KCNK6: variants seen among roughly 807,000 people sequenced by gnomAD.
The protein encoded by KCNK6 is potassium channel subfamily K member 6.
KCNK6 carries 20 observed loss-of-function variants against 21.9 expected under a neutral mutation model. That is an observed-to-expected ratio of 0.91 (90% CI 0.64 to 1.32). The LOEUF is 1.32. KCNK6 is among the 40% of genes most tolerant of loss of function. The pLI is 0.00. For synonymous variants in KCNK6, 210 were observed against 218.0 expected (o/e 0.96, Z 0.32); for missense variants, 415 against 433.1 (o/e 0.96, Z 0.37).
chr19:38,319,976 G>A lies in KCNK6; in HGVS notation c.26G>A (p.Gly9Asp), dbSNP rs1051769230. 6.8e-7 allele frequency: 1 copy of A among 1,465,478 alleles called. No homozygotes were observed. Among genetic ancestry groups the A allele is most frequent in the Admixed American group, 2.6e-5 (1 of 38,788 alleles). 90.8% of individuals were successfully genotyped at this position (1,465,478 alleles called of 1,614,324 possible). A position where few individuals can be genotyped will look rare whatever the true frequency, so the allele number is the denominator to read the frequency against. ...ATGCGGAGGGGCGCGCTTCTGGCGG[G>A]CGCCTTGGCCGCGTACGCCGCGTAC... MRRGALLA[G>D]ALAAYAAYLV... Residue 9 changes from glycine (G) to aspartate (D), a missense_variant, in exon 1 of 3, where the codon GGC (glycine) becomes GAC (aspartate). By Grantham distance (94) the Gly-to-Asp change is moderately conservative. Coordinates refer to ENST00000263372, the MANE Select transcript of KCNK6 (RefSeq NM_004823.3).
At chr19:38,325,302 A>G in intron 1 of KCNK6, 1 of 630,286 alleles carries the variant, frequency 1.6e-6, no homozygotes, top group Non-Finnish European at 2.0e-6. Context: ...TTTTTAGTAG[A>G]GACGGGGTTT....
At chr19:38,325,390 C>G (rs565827151) in intron 1 of KCNK6, 1 of 985,456 alleles carries the variant, frequency 1.0e-6, no homozygotes, top group East Asian at 1.1e-4. Flanking sequence ...GCTGGGATTA[C>G]AGACCTGAGC....
chr19:38,324,889 G>T (rs1317401817), intron 1 of KCNK6, among the ~76,000 whole-genome samples: 1 of 152,106 alleles, frequency 6.6e-6, no homozygotes, highest in Non-Finnish European at 1.5e-5. Context: ...ACCATGCCTG[G>T]CTGGGATCAT....
intron 1 of KCNK6, among the ~76,000 whole-genome samples, chr19:38,323,450 C>A (rs954399399): frequency 5.9e-5 from 9 of 152,154 alleles, no homozygotes; most frequent in Non-Finnish European, 1.3e-4. Flanking sequence ...AGCCTTGCTG[C>A]ACTTGAGGCA....
rs34730395 is a variant in KCNK6, at chr19:38,326,774, G to A, written c.504G>A (p.Ala168=). Reference sequence around the variant, plus strand: ...GTTGGGGCTGGGACCCCCGGCGGGCGGCCTGCTGGCACTTGGTGGCCCTGT... The same window carrying A: ...GTTGGGGCTGGGACCCCCGGCGGGCAGCCTGCTGGCACTTGGTGGCCCTGT... ...SMRWGWDPRR[A]ACWHLVALLG... Residue 168 remains alanine, a synonymous_variant, in exon 2 of 3, where the codon GCG becomes GCA. Coordinates refer to ENST00000263372, the MANE Select transcript of KCNK6 (RefSeq NM_004823.3). The A allele has an allele frequency of 2.7e-3, 4,371 of 1,604,732 alleles. 91 individuals are homozygous for A. The African/African-American group carries it at 0.049, about 18-fold the overall frequency.
In KCNK6 at chr19:38,327,161, C is replaced by T; in HGVS notation, c.719-19C>T. Reference sequence around the variant, plus strand: ...ATCTGAGCCCCAGGATGACCAACGCCCCTTCTCCGCCTTTACAGTCTACCT... The same window carrying T: ...ATCTGAGCCCCAGGATGACCAACGCTCCTTCTCCGCCTTTACAGTCTACCT... On this transcript the variant is annotated intron_variant, in intron 2 of 2. Transcript: ENST00000263372. 1.2e-6 allele frequency: 2 copies of T among 1,608,578 alleles called. No homozygotes were observed. The highest frequency in any genetic ancestry group is 1.7e-6 in the Non-Finnish European group (2 of 1,179,466).
At chr19:38,321,669 C>T (rs1969653139) in intron 1 of KCNK6, among the ~76,000 whole-genome samples, 1 of 152,356 alleles carries the variant, frequency 6.6e-6, no homozygotes, top group Admixed American at 6.5e-5. Context: ...ACTCCTAACT[C>T]GCCCTCCCGG....
chr19:38,327,704 G>T lies in KCNK6; in HGVS notation c.*301G>T. On this transcript the variant is annotated 3_prime_UTR_variant, in exon 3 of 3. Transcript: ENST00000263372. ...CTCGCTGCCTCTGTCTTTCCCTCTT[G>T]CTGTCTCTGTTTCTCATTCTCTTTC... The T allele has an allele frequency of 2.3e-6, 1 of 439,716 alleles. No homozygotes were observed. The highest frequency in any genetic ancestry group is 4.2e-6 in the Non-Finnish European group (1 of 239,590). The allele number at this position is 439,716 out of a possible 1,614,324, so 27.2% of individuals were successfully genotyped here. A position where few individuals can be genotyped will look rare whatever the true frequency, so the allele number is the denominator to read the frequency against.
intron 1 of KCNK6, among the ~76,000 whole-genome samples, chr19:38,320,549 T>C (rs1195007543): frequency 1.3e-5 from 2 of 151,596 alleles, no homozygotes; most frequent in South Asian, 2.1e-4. Context: ...CCTCGGTCTT[T>C]TTTTTTTTTC....
At chr19:38,322,000 T>C (rs1969657344) in intron 1 of KCNK6, among the ~76,000 whole-genome samples, 1 of 152,244 alleles carries the variant, frequency 6.6e-6, no homozygotes, top group South Asian at 2.1e-4. Context: ...CATTTCCCTG[T>C]AATAGCAGTA....
At chr19:38,321,763 GC>G (rs1032705115) in intron 1 of KCNK6, among the ~76,000 whole-genome samples, 1 of 152,242 alleles carries the variant, frequency 6.6e-6, no homozygotes, top group African/African-American at 2.4e-5. Context: ...CCCTGGGTCT[GC>G]CCATGCTGCC....
At position 38,320,179 on chromosome 19, in the gene KCNK6, C is replaced by G; in HGVS notation, c.229C>G (p.Leu77Val). ...GGCCGGACGGCTGGGGCGGGTCGTG[C>G]TTGCTAACGCTTCGGGGTCCGCCAA... ...LAAGRLGRVV[L>V]ANASGSANAS... is the part of the protein sequence containing the mutation. The change falls in exon 1 of 3, where the codon CTT becomes GTT. Residue 77 changes from leucine (L) to valine (V), a missense_variant. Leu to Val is a conservative substitution (Grantham distance 32). Transcript: ENST00000263372. The G allele has an allele frequency of 6.3e-7, 1 of 1,599,920 alleles. No homozygotes were observed. The highest frequency in any genetic ancestry group is 1.1e-5 in the South Asian group (1 of 90,988).
At chr19:38,324,750 T>TA (rs1238741313) in intron 1 of KCNK6, among the ~76,000 whole-genome samples, 1 of 152,066 alleles carries the variant, frequency 6.6e-6, no homozygotes, top group Admixed American at 6.6e-5. Context: ...TTAAAATTAT[T>TA]ATTATTGTTA....
Position 38,331,330 on chromosome 19 carries a change from A to T in KCNK6, c.*3927A>T, listed in dbSNP as rs1338398861. 2 of 152,008 alleles carry T rather than the reference A, an allele frequency of 1.3e-5. No homozygotes were observed. Among genetic ancestry groups the T allele is most frequent in the Admixed American group, 6.6e-5 (1 of 15,214 alleles). The allele number at this position is 152,008 out of a possible 1,614,324, so 9.4% of individuals were successfully genotyped here. ...GGGCCATAGAGCAAGACCCTGTCCTAGGAGAAAAAAAAGGGCCAGGCACAG... is the reference window on the plus strand; with the variant it reads ...GGGCCATAGAGCAAGACCCTGTCCTTGGAGAAAAAAAAGGGCCAGGCACAG... On this transcript the variant is annotated 3_prime_UTR_variant, in exon 3 of 3. Coordinates refer to ENST00000263372, the MANE Select transcript of KCNK6 (RefSeq NM_004823.3).
chr19:38,320,297 C>A, intron 1 of KCNK6, 25 bp downstream of exon 1: 1 of 1,602,974 alleles, frequency 6.2e-7, no homozygotes. Context: ...CACCGCAAGG[C>A]GGCGAGGACC....
chr19:38,320,546 C>CTTTTTTTTTTTTT (rs35248793), intron 1 of KCNK6, among the ~76,000 whole-genome samples: 1 of 145,740 alleles, frequency 6.9e-6, no homozygotes, highest in Non-Finnish European at 1.5e-5. Context: ...GTTCCTCGGT[C>CTTTTTTTTTTTTT]TTTTTTTTTT....
intron 1 of KCNK6, among the ~76,000 whole-genome samples, chr19:38,322,382 T>A (rs1195110305): frequency 1.3e-5 from 2 of 151,784 alleles, no homozygotes; most frequent in African/African-American, 4.8e-5. Flanking sequence ...ACAGCTGGAG[T>A]TTTATGGCTA....
intron 1 of KCNK6, among the ~76,000 whole-genome samples, chr19:38,322,963 A>G (rs1969668438): frequency 6.6e-6 from 1 of 151,540 alleles, no homozygotes; most frequent in African/African-American, 2.4e-5. Context: ...AAATACAAAA[A>G]TTAGCCAGGC....
In KCNK6 at chr19:38,330,764, T is replaced by G. The variant is rs1969762269; in HGVS notation, c.*3361T>G. Reference sequence around the variant, plus strand: ...ATGGGGGAAGGAGGTCCAGAGATGTTAAATACTTGCCCAAGGTCACACAGA... The same window carrying G: ...ATGGGGGAAGGAGGTCCAGAGATGTGAAATACTTGCCCAAGGTCACACAGA... On this transcript the variant is annotated 3_prime_UTR_variant, in exon 3 of 3. Coordinates refer to ENST00000263372, the MANE Select transcript of KCNK6 (RefSeq NM_004823.3). 3 of 152,282 alleles carry G rather than the reference T, an allele frequency of 2.0e-5. No homozygotes were observed. Among genetic ancestry groups the G allele is most frequent in the Admixed American group, 1.3e-4 (2 of 15,282 alleles). 9.4% of individuals were successfully genotyped at this position (152,282 alleles called of 1,614,324 possible). A position where few individuals can be genotyped will look rare whatever the true frequency, so the allele number is the denominator to read the frequency against.
Sources: allele counts gnomAD v4.1 joint callset (sites outside exome capture counted in the v4.1 genomes callset), GRCh38; gene constraint gnomAD v4.1.1; transcripts MANE v1.5; gene names NCBI Gene and HGNC (gene_info 2026-07-23, HGNC 2026-07-21).